Variants in CFAP20DC observed in about 807,000 individuals in gnomAD.
The protein encoded by CFAP20DC is CFAP20 domain containing.
A neutral mutation model predicts 101.7 loss-of-function variants in CFAP20DC; 84 were observed. The observed-to-expected ratio is 0.83, with a 90% CI of 0.69 to 0.99. CFAP20DC has a LOEUF of 0.99. CFAP20DC is among the 50% of genes least tolerant of loss of function. The pLI, the probability that CFAP20DC is intolerant of heterozygous loss-of-function variation, is 0.00. For synonymous variants in CFAP20DC, 359 were observed against 351.2 expected (o/e 1.02, Z -0.25); for missense variants, 1,007 against 970.3 (o/e 1.04, Z -0.50).
At chr3:59,025,624 G>A (rs1283157265) in intron 4 of CFAP20DC, among the ~76,000 whole-genome samples, 5 of 151,960 alleles carry the variant, frequency 3.3e-5, no homozygotes, top group Non-Finnish European at 7.4e-5. Flanking sequence ...GACATACAAA[G>A]GTGTTCAGAA....
intron 16 of CFAP20DC, among the ~76,000 whole-genome samples, chr3:58,750,462 G>A (rs17059800): frequency 0.084 from 12,760 of 152,096 alleles, 914 homozygotes; most frequent in East Asian, 0.35. Flanking sequence ...ATGTAGGCCC[G>A]GAACACAGGA....
intron 15 of CFAP20DC, among the ~76,000 whole-genome samples, chr3:58,778,182 C>A (rs535711128): frequency 3.9e-5 from 6 of 152,320 alleles, no homozygotes; most frequent in African/African-American, 7.2e-5. Flanking sequence ...CAGCCACCCC[C>A]ACCTGCGCAT....
At chr3:58,876,283 A>T (rs1239502508) in intron 7 of CFAP20DC, among the ~76,000 whole-genome samples, 1 of 152,146 alleles carries the variant, frequency 6.6e-6, no homozygotes, top group Non-Finnish European at 1.5e-5. Flanking sequence ...TGTGCTATGC[A>T]TCTACCATAA....
At chr3:58,770,952 G>A (rs79268854) in intron 15 of CFAP20DC, among the ~76,000 whole-genome samples, 11,007 of 152,172 alleles carry the variant, frequency 0.072, 685 homozygotes, top group East Asian at 0.35. Flanking sequence ...ACATGCCCAC[G>A]TATGTTTATC....
At chr3:58,756,038 C>T (rs1261091141) in intron 15 of CFAP20DC, among the ~76,000 whole-genome samples, 2 of 152,140 alleles carry the variant, frequency 1.3e-5, no homozygotes, top group Non-Finnish European at 2.9e-5. Flanking sequence ...TGCTCATTTG[C>T]TTACATTTTG....
Position 58,780,001 on chromosome 3 carries a change from C to G in CFAP20DC, c.2238-26138G>C, listed in dbSNP as rs2071676177. On this transcript the variant is annotated intron_variant, in intron 15 of 16. Transcript: ENST00000482387. ...CATTTATAAGGGAACCCCTATCAGA[C>G]TAACAGTGGATTTCTCAGCAGAAAC... 2.0e-5 allele frequency among the ~76,000 whole-genome samples: 3 copies of G among 152,050 alleles called. No homozygotes were observed. In the South Asian group the frequency reaches 6.2e-4, roughly 31 times the overall value.
At chr3:58,948,865 T>C (rs2089709601) in intron 4 of CFAP20DC, among the ~76,000 whole-genome samples, 1 of 152,236 alleles carries the variant, frequency 6.6e-6, no homozygotes, top group Admixed American at 6.5e-5. Context: ...GAAGGAATGG[T>C]ACCAGCTCCT....
Position 58,799,244 on chromosome 3 carries a change from T to C in CFAP20DC, c.2237+7151A>G, listed in dbSNP as rs1030162918. 6.6e-6 allele frequency among the ~76,000 whole-genome samples: 1 copy of C among 152,126 alleles called. No individual in the cohort carries two copies. The highest frequency in any genetic ancestry group is 2.4e-5 in the African/African-American group (1 of 41,420). On this transcript the variant is annotated intron_variant, in intron 15 of 16. Transcript: ENST00000482387. This position sits in a 1 kb window ranked among gnomAD's most constrained non-coding sequence, Gnocchi z 4.9. ...CATAAAATACGTGTGAATAGGCCCA[T>C]ACAAATAAGCAACTGCCAGTAAGAA...
At chr3:58,821,390 A>G (rs1229543174) in intron 14 of CFAP20DC, among the ~76,000 whole-genome samples, 41 of 152,122 alleles carry the variant, frequency 2.7e-4, no homozygotes, top group Admixed American at 9.8e-4. Context: ...TTTGCAACCT[A>G]CTCATCTGAC....
intron 12 of CFAP20DC, among the ~76,000 whole-genome samples, chr3:58,854,333 A>G (rs2078551733): frequency 1.3e-5 from 2 of 151,368 alleles, no homozygotes; most frequent in African/African-American, 4.9e-5. Context: ...AGGAAATAAA[A>G]GAGGATACAA....
intron 15 of CFAP20DC, among the ~76,000 whole-genome samples, chr3:58,797,838 G>A (rs1053157247): frequency 1.3e-5 from 2 of 152,100 alleles, no homozygotes; most frequent in African/African-American, 4.8e-5. Context: ...GTTCTTAAGA[G>A]TGATGCTATT....
At position 59,030,040 on chromosome 3, in the gene CFAP20DC, T is replaced by C. The variant is rs112482048; in HGVS notation, c.278+9517A>G. ...ATGCTGAGGAAATGATGACTAAATC[T>C]GTAAACCAGCTGGCAAGACTTCACT... On this transcript the variant is annotated intron_variant, in intron 4 of 16. Coordinates refer to ENST00000482387, the MANE Select transcript of CFAP20DC (RefSeq NM_001394063.1). 9.1e-4 allele frequency among the ~76,000 whole-genome samples: 138 copies of C among 152,330 alleles called. 1 individual carries two copies. Among genetic ancestry groups the C allele is most frequent in the African/African-American group, 2.8e-3 (116 of 41,566 alleles).
downstream of CFAP20DC, among the ~76,000 whole-genome samples, chr3:58,740,580 C>T (rs974117694): frequency 3.9e-5 from 6 of 152,184 alleles, no homozygotes; most frequent in African/African-American, 1.4e-4. This position sits in a 1 kb window ranked among gnomAD's most constrained non-coding sequence, Gnocchi z 4.6. Context: ...AGAATCCCAA[C>T]AGAGTTCACT....
At position 58,897,633 on chromosome 3, in the gene CFAP20DC, T is replaced by C. The variant is rs1251481311; in HGVS notation, c.551-12924A>G. Reference sequence around the variant, plus strand: ...AAAATTATCTTATTTCTTTTCACTTTTGAAGGTTAGTTTGGCCAGATATGA... The same window carrying C: ...AAAATTATCTTATTTCTTTTCACTTCTGAAGGTTAGTTTGGCCAGATATGA... On this transcript the variant is annotated intron_variant, in intron 6 of 16. Coordinates refer to ENST00000482387, the MANE Select transcript of CFAP20DC (RefSeq NM_001394063.1). The surrounding 1 kb of genome is among the most constrained non-coding windows in gnomAD (Gnocchi z 4.4). 6.6e-6 allele frequency among the ~76,000 whole-genome samples: 1 copy of C among 152,212 alleles called. No homozygotes were observed. The highest frequency in any genetic ancestry group is 1.5e-5 in the Non-Finnish European group (1 of 68,046).
chr3:58,819,672 T>C (rs1216724485), intron 14 of CFAP20DC, among the ~76,000 whole-genome samples: 1 of 141,812 alleles, frequency 7.1e-6, no homozygotes, highest in Non-Finnish European at 1.5e-5. Context: ...CCAAAAAGAG[T>C]CCAGGACCAG....
At chr3:58,809,880 G>A (rs572638077) in intron 14 of CFAP20DC, among the ~76,000 whole-genome samples, 7 of 152,050 alleles carry the variant, frequency 4.6e-5, no homozygotes, top group Non-Finnish European at 1.0e-4. Flanking sequence ...TATCACCACC[G>A]ATCCCTCAGA....
At chr3:58,786,481 T>C (rs1002289385) in intron 15 of CFAP20DC, among the ~76,000 whole-genome samples, 1 of 152,070 alleles carries the variant, frequency 6.6e-6, no homozygotes, top group Non-Finnish European at 1.5e-5. Flanking sequence ...AAACAATTCA[T>C]AAATTTTAAA....
chr3:58,991,028 C>T (rs1261232506), intron 4 of CFAP20DC, among the ~76,000 whole-genome samples: 1 of 152,116 alleles, frequency 6.6e-6, no homozygotes, highest in Non-Finnish European at 1.5e-5. Flanking sequence ...TTACTTGGCA[C>T]ATAGTGGGCT....
intron 7 of CFAP20DC, among the ~76,000 whole-genome samples, chr3:58,876,376 A>G (rs2080756375): frequency 6.6e-6 from 1 of 152,154 alleles, no homozygotes; most frequent in Non-Finnish European, 1.5e-5. Flanking sequence ...CAAAGTTTCC[A>G]TAATGAGAAA....
Sources: allele counts gnomAD v4.1 joint callset (sites outside exome capture counted in the v4.1 genomes callset), GRCh38; gene constraint gnomAD v4.1.1; non-coding constraint Gnocchi (gnomAD v3.1); transcripts MANE v1.5; gene names NCBI Gene and HGNC (gene_info 2026-07-23, HGNC 2026-07-21).